Variants in CSMD1 observed in about 807,000 individuals in gnomAD.
CSMD1 encodes the protein CUB and Sushi multiple domains 1.
Under a neutral mutation model 417.5 loss-of-function variants are expected in CSMD1, and 213 were observed. The observed-to-expected ratio is 0.51, with a 90% CI of 0.46 to 0.57. The LOEUF (loss-of-function observed/expected upper bound fraction) is 0.57. Ranked by LOEUF, CSMD1 falls within the 20% of genes least tolerant of loss-of-function variation. The pLI is 0.00. For synonymous variants in CSMD1, 2,862 were observed against 1,736.8 expected (o/e 1.65, Z -16.11); for missense variants, 6,923 against 4,529.7 (o/e 1.53, Z -15.17).
At chr8:3,018,848 C>G (rs536275773) in intron 51 of CSMD1, among the ~76,000 whole-genome samples, 198 bp from the exon 52 acceptor site, 2 of 152,154 alleles carry the variant, frequency 1.3e-5, no homozygotes, top group African/African-American at 4.8e-5. Flanking sequence ...CATCTTTATG[C>G]TCCTGAAACA....
intron 12 of CSMD1, among the ~76,000 whole-genome samples, chr8:3,419,641 G>C (rs117060947): frequency 0.017 from 2,655 of 151,862 alleles, 53 homozygotes; most frequent in East Asian, 0.097. Flanking sequence ...ACAGGATTGA[G>C]AAGCAAATAA....
intron 1 of CSMD1, among the ~76,000 whole-genome samples, chr8:4,956,128 G>A (rs753340618): frequency 4.6e-5 from 7 of 151,998 alleles, no homozygotes; most frequent in Non-Finnish European, 8.8e-5. Flanking sequence ...TTACTTTCTC[G>A]CTCATAATGG....
intron 7 of CSMD1, among the ~76,000 whole-genome samples, chr8:3,688,153 C>T (rs187803003): frequency 4.6e-5 from 7 of 152,244 alleles, no homozygotes; most frequent in Admixed American, 3.3e-4. Flanking sequence ...TATTTAGACA[C>T]AATAAAAATA....
At chr8:4,546,398 T>C (rs906391726) in intron 2 of CSMD1, among the ~76,000 whole-genome samples, 1 of 152,204 alleles carries the variant, frequency 6.6e-6, no homozygotes, top group Non-Finnish European at 1.5e-5. Context: ...AGGGGGTTTC[T>C]AGAAGATATT....
chr8:3,854,561 CT>C (rs1235778677), intron 5 of CSMD1, among the ~76,000 whole-genome samples: 2 of 152,036 alleles, frequency 1.3e-5, no homozygotes, highest in African/African-American at 4.8e-5. Context: ...GCTTACTTAG[CT>C]TTTCTATCTC....
At chr8:3,973,718 A>G (rs1381828343) in intron 5 of CSMD1, among the ~76,000 whole-genome samples, 1 of 152,212 alleles carries the variant, frequency 6.6e-6, no homozygotes, top group East Asian at 1.9e-4. Flanking sequence ...ATCACTTTGC[A>G]AGAACAGTGG....
intron 2 of CSMD1, among the ~76,000 whole-genome samples, chr8:4,628,956 T>C (rs1350534742): frequency 6.6e-6 from 1 of 152,198 alleles, no homozygotes; most frequent in Non-Finnish European, 1.5e-5. Flanking sequence ...TATTCTTAAA[T>C]GAAACATATA....
chr8:3,133,054 A>G (rs1203371576), intron 41 of CSMD1, among the ~76,000 whole-genome samples: 2 of 152,220 alleles, frequency 1.3e-5, no homozygotes, highest in Non-Finnish European at 2.9e-5. Context: ...ATACACTGGA[A>G]TAAAAGGCGT....
At chr8:3,022,444 TG>T (rs1337964799) in intron 51 of CSMD1, among the ~76,000 whole-genome samples, 1 of 152,208 alleles carries the variant, frequency 6.6e-6, no homozygotes, top group Non-Finnish European at 1.5e-5. Flanking sequence ...TCACTGTCCC[TG>T]GGGATTCCAA....
chr8:4,216,955 A>T (rs1222092667), intron 3 of CSMD1, among the ~76,000 whole-genome samples: 1 of 152,110 alleles, frequency 6.6e-6, no homozygotes, highest in African/African-American at 2.4e-5. Context: ...TTTTTTCAAA[A>T]TGGCTGTCCT....
At chr8:3,801,629 C>T (rs1800465175) in intron 5 of CSMD1, among the ~76,000 whole-genome samples, 1 of 134,932 alleles carries the variant, frequency 7.4e-6, no homozygotes, top group Non-Finnish European at 1.7e-5. Context: ...GTTTTTCTAC[C>T]CAAGAAAACT....
chr8:4,140,996 G>A lies in CSMD1; in HGVS notation c.416-108897C>T, dbSNP rs1421674141. Among the ~76,000 whole-genome samples, 7 of 151,176 alleles carry A rather than the reference G, an allele frequency of 4.6e-5. 2 individuals carry two copies. The highest frequency in any genetic ancestry group is 9.9e-5 in the African/African-American group (4 of 40,496). On this transcript the variant is annotated intron_variant, in intron 3 of 69. Transcript: ENST00000635120. ...GAAGAAAACATAAAAGATTTAGGCA[G>A]ACAGAAAGACAGGTAATATTCCTTA...
At chr8:4,276,298 A>G (rs1289546249) in intron 3 of CSMD1, among the ~76,000 whole-genome samples, 2 of 152,234 alleles carry the variant, frequency 1.3e-5, no homozygotes, top group Non-Finnish European at 2.9e-5. Context: ...GCAGCCATAA[A>G]AAAGGATCAG....
intron 7 of CSMD1, 111 bp downstream of exon 7, chr8:3,708,302 AG>A: frequency 1.3e-6 from 1 of 789,148 alleles, no homozygotes; most frequent in South Asian, 1.6e-5. Context: ...ATAGAAAAGA[AG>A]GAAGAGATAA....
intron 21 of CSMD1, among the ~76,000 whole-genome samples, chr8:3,358,604 G>C (rs549960910): frequency 6.6e-6 from 1 of 152,082 alleles, no homozygotes; most frequent in East Asian, 1.9e-4. Flanking sequence ...GTTACTCTTC[G>C]GAATTATCTC....
chr8:4,783,106 T>G (rs577586898), intron 1 of CSMD1, among the ~76,000 whole-genome samples: 2 of 152,322 alleles, frequency 1.3e-5, no homozygotes, highest in African/African-American at 4.8e-5. Context: ...CCACAGATAT[T>G]CAATCACAGA....
intron 1 of CSMD1, among the ~76,000 whole-genome samples, chr8:4,848,369 G>T (rs912099235): frequency 2.0e-5 from 3 of 152,178 alleles, no homozygotes; most frequent in Admixed American, 6.5e-5. Context: ...TGGTGGTCAC[G>T]TAAGATTATA....
At chr8:3,094,606 C>T (rs1815169718) in intron 47 of CSMD1, among the ~76,000 whole-genome samples, 2 of 152,114 alleles carry the variant, frequency 1.3e-5, no homozygotes, top group African/African-American at 2.4e-5. Context: ...CACCAGTGTA[C>T]ACTGTAATTT....
intron 3 of CSMD1, among the ~76,000 whole-genome samples, chr8:4,201,816 C>G (rs935000390): frequency 8.1e-5 from 12 of 147,508 alleles, no homozygotes; most frequent in African/African-American, 2.8e-4. Flanking sequence ...TGTTCAAATT[C>G]TTCAGTGCTC....
Sources: gnomAD v4.1 joint callset for allele counts (sites outside exome capture counted in the v4.1 genomes callset) on GRCh38, gnomAD v4.1.1 for gene constraint, MANE v1.5 for transcripts, NCBI Gene and HGNC (gene_info 2026-07-23, HGNC 2026-07-21) for gene names.